AZIN1: variants seen among roughly 807,000 people sequenced by gnomAD.
AZIN1 encodes ornithine decarboxylase antizyme inhibitor.
Under a neutral mutation model 47.4 loss-of-function variants are expected in AZIN1, and 12 were observed. The ratio of observed to expected loss-of-function variants is 0.25; its 90% CI spans 0.16 to 0.41. The LOEUF (loss-of-function observed/expected upper bound fraction) is 0.41, where lower values mean the gene tolerates loss of function less well. Ranked by LOEUF, AZIN1 falls within the 10% of genes least tolerant of loss-of-function variation. The probability of loss-of-function intolerance (pLI) is 1.00; values close to 1 mark genes in which losing one functional copy is unlikely to be tolerated. For synonymous variants in AZIN1, 155 were observed against 176.3 expected (o/e 0.88, Z 0.96); for missense variants, 410 against 532.4 (o/e 0.77, Z 2.26).
chr8:102,852,397 G>A (rs1306830015), intron 2 of AZIN1, among the ~76,000 whole-genome samples: 1 of 152,054 alleles, frequency 6.6e-6, no homozygotes, highest in East Asian at 1.9e-4. Flanking sequence ...CCAACATGGC[G>A]AAACCTTGTC....
chr8:102,836,443 C>A lies in AZIN1; in HGVS notation c.450-53G>T. 13 of 1,561,306 alleles carry A rather than the reference C, an allele frequency of 8.3e-6. No homozygotes were observed. In the South Asian group the frequency reaches 1.5e-4, roughly 18 times the overall value. ...GAGTTGGTTTACATCATCATCAGCA[C>A]ATGTGAAGCCTGAAGATTGTAGGAA... On this transcript the variant is annotated intron_variant, in intron 5 of 11. Coordinates refer to ENST00000337198, the MANE Select transcript of AZIN1 (RefSeq NM_148174.4).
chr8:102,845,595 C>T (rs1333638196), intron 2 of AZIN1, among the ~76,000 whole-genome samples: 2 of 151,976 alleles, frequency 1.3e-5, no homozygotes, highest in Non-Finnish European at 2.9e-5. Flanking sequence ...CAATTTAAAG[C>T]ACCAATTTTG....
At chr8:102,850,878 TC>T (rs979763386) in intron 2 of AZIN1, among the ~76,000 whole-genome samples, 1 of 152,050 alleles carries the variant, frequency 6.6e-6, no homozygotes, top group African/African-American at 2.4e-5. Flanking sequence ...GGGCAAAAAA[TC>T]CCAAAAGTTA....
chr8:102,845,696 C>T (rs1354903484), intron 2 of AZIN1, among the ~76,000 whole-genome samples: 1 of 152,088 alleles, frequency 6.6e-6, no homozygotes, highest in Admixed American at 6.6e-5. Flanking sequence ...GTAGAAACTT[C>T]CTGTTAAGTT....
At chr8:102,836,169 G>A in intron 6 of AZIN1, 87 bp downstream of exon 6, 2 of 1,374,626 alleles carry the variant, frequency 1.5e-6, no homozygotes, top group Non-Finnish European at 2.0e-6. Context: ...TAGATTTCAT[G>A]CAAATAAAGT....
At chr8:102,861,380 A>C (rs769514491) in intron 1 of AZIN1, among the ~76,000 whole-genome samples, 1 of 151,904 alleles carries the variant, frequency 6.6e-6, no homozygotes, top group Non-Finnish European at 1.5e-5. Context: ...GGAGCCAGCC[A>C]CCACGCCCGG....
Position 102,828,291 on chromosome 8 carries a change from T to C in AZIN1, c.*276A>G, listed in dbSNP as rs536630170. 3.3e-4 allele frequency: 81 copies of C among 245,802 alleles called. No homozygotes were observed. Among genetic ancestry groups the C allele is most frequent in the African/African-American group, 1.8e-3 (80 of 44,728 alleles). 15.2% of individuals were successfully genotyped at this position (245,802 alleles called of 1,614,324 possible). A position where few individuals can be genotyped will look rare whatever the true frequency, so the allele number is the denominator to read the frequency against. On this transcript the variant is annotated 3_prime_UTR_variant, in exon 12 of 12. Coordinates refer to ENST00000337198, the MANE Select transcript of AZIN1 (RefSeq NM_148174.4). ...CCAATTAATGGGCTTCCATCTCCAC[T>C]AAGTCATCCATTTTGTTGCATATTT...
intron 9 of AZIN1, among the ~76,000 whole-genome samples, chr8:102,832,327 A>G (rs920804010): frequency 6.6e-6 from 1 of 152,122 alleles, no homozygotes; most frequent in Admixed American, 6.5e-5. Flanking sequence ...CCAAAAAAAA[A>G]AGTCTTCTTA....
At position 102,836,156 on chromosome 8, in the gene AZIN1, T is replaced by C; in HGVS notation, c.584+100A>G. On this transcript the variant is annotated intron_variant, in intron 6 of 11. Coordinates refer to ENST00000337198, the MANE Select transcript of AZIN1 (RefSeq NM_148174.4). ...TGTTAAAAGACTAGAAAAAATTGCA[T>C]CTTAGATTTCATGCAAATAAAGTCT... 10 of 1,317,998 alleles carry C rather than the reference T, an allele frequency of 7.6e-6. No individual in the cohort carries two copies. The Middle Eastern group carries it at 9.7e-4, about 128-fold the overall frequency. The allele number at this position is 1,317,998 out of a possible 1,614,324, so 81.6% of individuals were successfully genotyped here.
chr8:102,856,227 A>G (rs1813286480), intron 2 of AZIN1, among the ~76,000 whole-genome samples: 1 of 152,120 alleles, frequency 6.6e-6, no homozygotes, highest in African/African-American at 2.4e-5. Flanking sequence ...CAAAGCATCA[A>G]ATACTAGACA....
At chr8:102,852,545 G>C (rs1812978765) in intron 2 of AZIN1, among the ~76,000 whole-genome samples, 1 of 151,984 alleles carries the variant, frequency 6.6e-6, no homozygotes, top group Admixed American at 6.6e-5. Context: ...ACTCCAGCCT[G>C]GGCAACAAAG....
chr8:102,841,791 AAT>A lies in AZIN1; in HGVS notation c.102+1758_102+1759del, dbSNP rs1208641693. Among the ~76,000 whole-genome samples the A allele has an allele frequency of 1.8e-4, 25 of 138,182 alleles. 3 individuals carry two copies. The highest frequency in any genetic ancestry group is 6.5e-4 in the African/African-American group (24 of 37,148). The allele number at this position is 138,182 out of a possible 152,430, so 90.7% of individuals were successfully genotyped here. On this transcript the variant is annotated intron_variant, in intron 3 of 11. Transcript: ENST00000337198. ...AAGAAAGATTGTATCAGTTAAGTCT[AAT>A]ATATATATATATAAAAAAAAAAAAA...
chr8:102,847,488 A>G (rs913649960), intron 2 of AZIN1, among the ~76,000 whole-genome samples: 41 of 152,282 alleles, frequency 2.7e-4, no homozygotes, highest in Admixed American at 1.4e-3. Context: ...ACTTCACAAC[A>G]AACAGTGGGG....
At chr8:102,841,944 C>A (rs1317122254) in intron 3 of AZIN1, among the ~76,000 whole-genome samples, 1 of 151,908 alleles carries the variant, frequency 6.6e-6, no homozygotes, top group East Asian at 1.9e-4. Flanking sequence ...AACCCTGTCT[C>A]TACTAAAAAT....
At chr8:102,842,509 C>A (rs1323356723) in intron 3 of AZIN1, among the ~76,000 whole-genome samples, 4 of 152,050 alleles carry the variant, frequency 2.6e-5, no homozygotes, top group Non-Finnish European at 4.4e-5. Flanking sequence ...AGTTCGAGAC[C>A]AGCCTGGCCA....
At chr8:102,851,632 G>T (rs935318439) in intron 2 of AZIN1, among the ~76,000 whole-genome samples, 6 of 152,144 alleles carry the variant, frequency 3.9e-5, no homozygotes, top group African/African-American at 1.4e-4. Flanking sequence ...CTTGAACCTG[G>T]GAGGTGGAGG....
chr8:102,836,143 AG>A, intron 6 of AZIN1, 112 bp downstream of exon 6: 1 of 1,193,846 alleles, frequency 8.4e-7, no homozygotes, highest in Non-Finnish European at 1.2e-6. Flanking sequence ...TTAAAAGACT[AG>A]AAAAAATTGC....
At chr8:102,837,852 ATATGC>A in intron 5 of AZIN1, among the ~76,000 whole-genome samples, 1 of 152,230 alleles carries the variant, frequency 6.6e-6, no homozygotes, top group Non-Finnish European at 1.5e-5. Context: ...GCATAATTCA[ATATGC>A]TTTTAGCATA....
chr8:102,856,083 AGTTTTTTTT>A (rs1813266264), intron 2 of AZIN1: 1 of 131,552 alleles, frequency 7.6e-6, no homozygotes, highest in South Asian at 2.2e-4. Context: ...ATCCAGGTCA[AGTTTTTTTT>A]GTTTTTTTTT....
Sources: gnomAD v4.1 joint callset for allele counts (sites outside exome capture counted in the v4.1 genomes callset) on GRCh38, gnomAD v4.1.1 for gene constraint, MANE v1.5 for transcripts, NCBI Gene and HGNC (gene_info 2026-07-23, HGNC 2026-07-21) for gene names.